SGCZ: variants seen among roughly 807,000 people sequenced by gnomAD.
SGCZ encodes sarcoglycan zeta.
Under a neutral mutation model 41.3 loss-of-function variants are expected in SGCZ, and 40 were observed. The ratio of observed to expected loss-of-function variants is 0.97; its 90% CI spans 0.75 to 1.26. The LOEUF is 1.26. Ranked by LOEUF, SGCZ falls within the 50% of genes most tolerant of loss-of-function variation. SGCZ has a pLI of 0.00. For missense variants in SGCZ, 552 were observed against 369.8 expected (o/e 1.49, Z -4.04); for synonymous variants, 206 against 137.5 (o/e 1.50, Z -3.49).
intron 2 of SGCZ, among the ~76,000 whole-genome samples, chr8:14,384,193 C>T (rs36057999): frequency 0.045 from 6,784 of 152,016 alleles, 488 homozygotes; most frequent in African/African-American, 0.15. Context: ...TCAATTCCCA[C>T]CTATGAGTGA....
At chr8:15,151,254 T>C (rs1417910070) in intron 1 of SGCZ, among the ~76,000 whole-genome samples, 1 of 152,200 alleles carries the variant, frequency 6.6e-6, no homozygotes, top group Admixed American at 6.5e-5. Context: ...CAGCCAATAG[T>C]TTTACTCCAA....
chr8:14,204,942 G>A (rs1028170164), intron 4 of SGCZ, among the ~76,000 whole-genome samples: 5 of 152,152 alleles, frequency 3.3e-5, no homozygotes, highest in African/African-American at 1.2e-4. Flanking sequence ...TCTCCAGCTT[G>A]CAGAGATCCC....
chr8:14,574,886 C>G (rs558164827), intron 1 of SGCZ, among the ~76,000 whole-genome samples: 221 of 152,050 alleles, frequency 1.5e-3, no homozygotes, highest in African/African-American at 5.1e-3. Context: ...CTGAGCAACA[C>G]TGAAAAAATA....
At chr8:14,596,627 T>C (rs1043190650) in intron 1 of SGCZ, among the ~76,000 whole-genome samples, 1 of 152,114 alleles carries the variant, frequency 6.6e-6, no homozygotes, top group African/African-American at 2.4e-5. Context: ...ACTGAATGAT[T>C]AGTTTAGAAT....
chr8:14,726,318 ATATATC>A (rs1462569803), intron 1 of SGCZ, among the ~76,000 whole-genome samples: 1,532 of 134,924 alleles, frequency 0.011, 35 homozygotes, highest in African/African-American at 0.041. Context: ...ATACATATAT[ATATATC>A]TATATATATA....
At chr8:14,881,282 A>T (rs1804576158) in intron 1 of SGCZ, among the ~76,000 whole-genome samples, 1 of 152,080 alleles carries the variant, frequency 6.6e-6, no homozygotes, top group African/African-American at 2.4e-5. Flanking sequence ...CAATTAGTGC[A>T]TACACCCTAT....
At chr8:14,345,856 A>G (rs998904976) in intron 2 of SGCZ, among the ~76,000 whole-genome samples, 2 of 152,118 alleles carry the variant, frequency 1.3e-5, no homozygotes, top group African/African-American at 4.8e-5. Flanking sequence ...CCTCTGAACT[A>G]TATGACATTC....
chr8:14,830,276 C>A (rs1392924462), intron 1 of SGCZ, among the ~76,000 whole-genome samples: 1 of 150,946 alleles, frequency 6.6e-6, no homozygotes, highest in Admixed American at 6.6e-5. Flanking sequence ...TTTTGGTTTG[C>A]CTTAGTTAAC....
chr8:14,149,618 T>G lies in SGCZ; in HGVS notation c.547+14962A>C, dbSNP rs892693581. ...CACCCAAAGCTATCTACAGACTCAG[T>G]GCAATCCCTATCAAAATACCAGTGA... On this transcript the variant is annotated intron_variant, in intron 5 of 7. Coordinates refer to ENST00000382080, the MANE Select transcript of SGCZ (RefSeq NM_139167.4). 2.7e-5 allele frequency among the ~76,000 whole-genome samples: 4 copies of G among 148,516 alleles called. No individual in the cohort carries two copies. In the East Asian group the frequency reaches 7.9e-4, roughly 29 times the overall value.
intron 4 of SGCZ, among the ~76,000 whole-genome samples, chr8:14,186,223 T>C (rs1804897470): frequency 6.6e-6 from 1 of 152,214 alleles, no homozygotes; most frequent in African/African-American, 2.4e-5. Context: ...AACAACAATT[T>C]AATGTTTCAG....
At chr8:14,857,444 T>A (rs1803581229) in intron 1 of SGCZ, among the ~76,000 whole-genome samples, 1 of 152,222 alleles carries the variant, frequency 6.6e-6, no homozygotes. Context: ...ATAATGAGCT[T>A]ACATTGCTTT....
At chr8:14,679,015 T>C (rs1808359936) in intron 1 of SGCZ, among the ~76,000 whole-genome samples, 1 of 152,190 alleles carries the variant, frequency 6.6e-6, no homozygotes, top group Non-Finnish European at 1.5e-5. Context: ...TTGCCTGTCC[T>C]ATCATAAGAT....
intron 1 of SGCZ, among the ~76,000 whole-genome samples, chr8:14,563,407 T>A (rs974398744): frequency 6.6e-6 from 1 of 152,150 alleles, no homozygotes; most frequent in Non-Finnish European, 1.5e-5. Context: ...TAGGTGTGAG[T>A]GGACAGAAAG....
At chr8:15,107,245 GC>G (rs1806865771) in intron 1 of SGCZ, among the ~76,000 whole-genome samples, 1 of 152,084 alleles carries the variant, frequency 6.6e-6, no homozygotes, top group Non-Finnish European at 1.5e-5. Flanking sequence ...AAAGTAGCAC[GC>G]AGTTTGAATA....
intron 2 of SGCZ, among the ~76,000 whole-genome samples, chr8:14,342,025 C>A (rs970841125): frequency 9.2e-5 from 14 of 152,114 alleles, no homozygotes; most frequent in African/African-American, 3.4e-4. Context: ...GGGTAACAGG[C>A]AGAGGTTGGA....
At chr8:14,515,223 T>G (rs982847983) in intron 2 of SGCZ, among the ~76,000 whole-genome samples, 1 of 152,052 alleles carries the variant, frequency 6.6e-6, no homozygotes, top group Non-Finnish European at 1.5e-5. Flanking sequence ...CATTAATACA[T>G]GTATCCAGGG....
At chr8:14,216,847 C>G (rs1490956133) in intron 4 of SGCZ, among the ~76,000 whole-genome samples, 2 of 152,042 alleles carry the variant, frequency 1.3e-5, no homozygotes, top group Non-Finnish European at 2.9e-5. Flanking sequence ...TCATGTAAGT[C>G]CTAACATTGT....
rs1801611590 is a variant in SGCZ, at chr8:14,089,112, T to G, written c.*1331A>C. Among the ~76,000 whole-genome samples the G allele has an allele frequency of 2.0e-5, 3 of 152,004 alleles. No individual in the cohort carries two copies. On this transcript the variant is annotated 3_prime_UTR_variant, in exon 8 of 8. Coordinates refer to ENST00000382080, the MANE Select transcript of SGCZ (RefSeq NM_139167.4). ...AAGGGGTGCTGTGATAAATGAATAT[T>G]CAGTATTCTGGAGTTGTTTACTAAG...
chr8:14,712,051 C>G (rs1809536327), intron 1 of SGCZ, among the ~76,000 whole-genome samples: 1 of 151,968 alleles, frequency 6.6e-6, no homozygotes, highest in Non-Finnish European at 1.5e-5. Context: ...GGTGGATCAC[C>G]TGAGGTCAGG....
Sources: gnomAD v4.1 joint callset for allele counts (sites outside exome capture counted in the v4.1 genomes callset) on GRCh38, gnomAD v4.1.1 for gene constraint, MANE v1.5 for transcripts, NCBI Gene and HGNC (gene_info 2026-07-23, HGNC 2026-07-21) for gene names.